The following NRXN1 variants were observed in gnomAD, a reference collection of about 807,000 sequenced individuals.
NRXN1 encodes neurexin-1.
In NRXN1, 39 loss-of-function variants were observed where a neutral mutation model predicts 150.9. The ratio of observed to expected loss-of-function variants is 0.26; its 90% CI spans 0.20 to 0.34. The LOEUF is 0.34. Ranked by LOEUF, NRXN1 falls within the 10% of genes least tolerant of loss-of-function variation. NRXN1 has a pLI of 1.00. For synonymous variants in NRXN1, 924 were observed against 757.0 expected, an observed-to-expected ratio of 1.22 and a Z score of -3.62; for missense variants, 1,815 against 1,949.9, an observed-to-expected ratio of 0.93 and a Z score of 1.30.
rs1051436849 is a variant in NRXN1, at chr2:50,427,321, T to C, written c.3364+38121A>G. ...ATTGTCAACATGTATAATTATACAG[T>C]AGTTTAACTGGTGAGGGGAAGGTAT... On this transcript the variant is annotated intron_variant, in intron 17 of 22. Transcript: ENST00000401669. 6.0e-5 allele frequency among the ~76,000 whole-genome samples: 9 copies of C among 148,984 alleles called. 1 individual carries two copies. The highest frequency in any genetic ancestry group is 2.3e-4 in the African/African-American group (9 of 39,782).
intron 19 of NRXN1, among the ~76,000 whole-genome samples, chr2:50,060,312 C>T (rs190499898): frequency 2.4e-4 from 36 of 152,162 alleles, no homozygotes; most frequent in African/African-American, 3.6e-4. Flanking sequence ...GCCTGTAGAC[C>T]CTTCGTTTTG....
chr2:50,860,271 T>C (rs866451216), intron 5 of NRXN1, among the ~76,000 whole-genome samples: 9 of 151,520 alleles, frequency 5.9e-5, no homozygotes, highest in African/African-American at 1.7e-4. Flanking sequence ...AAAAAAAAAA[T>C]TGTGAGGTAT....
At chr2:50,882,628 C>T (rs940302430) in intron 5 of NRXN1, among the ~76,000 whole-genome samples, 3 of 151,804 alleles carry the variant, frequency 2.0e-5, no homozygotes, top group African/African-American at 7.3e-5. Flanking sequence ...AAGACGAACC[C>T]ACAGGTGCCC....
intron 18 of NRXN1, among the ~76,000 whole-genome samples, chr2:50,219,627 C>T (rs1218742621): frequency 6.6e-6 from 1 of 151,418 alleles, no homozygotes; most frequent in East Asian, 2.0e-4. Flanking sequence ...TGGCTCACTC[C>T]TGTAGCTGCA....
intron 5 of NRXN1, among the ~76,000 whole-genome samples, chr2:50,775,236 T>C (rs917503462): frequency 4.6e-5 from 7 of 152,144 alleles, no homozygotes; most frequent in Admixed American, 2.6e-4. Flanking sequence ...CCCAGTTGAA[T>C]ATGATTCTCT....
intron 5 of NRXN1, among the ~76,000 whole-genome samples, chr2:50,856,933 C>T (rs544732107): frequency 1.3e-5 from 2 of 152,184 alleles, no homozygotes; most frequent in South Asian, 4.1e-4. Flanking sequence ...CCTATTCTCA[C>T]AGTAATTGTC....
At chr2:50,117,216 T>C (rs1703187752) in intron 18 of NRXN1, among the ~76,000 whole-genome samples, 1 of 152,112 alleles carries the variant, frequency 6.6e-6, no homozygotes, top group Non-Finnish European at 1.5e-5. Flanking sequence ...ATGTTGAAAA[T>C]TGAGGGCCAT....
chr2:50,449,466 C>A (rs1299498711), intron 17 of NRXN1, among the ~76,000 whole-genome samples: 1 of 152,162 alleles, frequency 6.6e-6, no homozygotes. Flanking sequence ...TAGAGCAGTG[C>A]TTCTTACACT....
intron 17 of NRXN1, among the ~76,000 whole-genome samples, chr2:50,252,607 G>A (rs905013416): frequency 6.6e-6 from 1 of 152,082 alleles, no homozygotes. Context: ...TAAGGTGTAA[G>A]TACGGGGTCC....
At chr2:50,015,492 A>G (rs780821386) in intron 21 of NRXN1, among the ~76,000 whole-genome samples, 37 of 143,224 alleles carry the variant, frequency 2.6e-4, no homozygotes, top group South Asian at 1.2e-3. Flanking sequence ...GTCTTTGGCT[A>G]GAAAAATAAA....
At chr2:49,939,396 A>G (rs947468228) in intron 22 of NRXN1, among the ~76,000 whole-genome samples, 4 of 152,232 alleles carry the variant, frequency 2.6e-5, no homozygotes, top group African/African-American at 9.6e-5. Flanking sequence ...CCTGTTCACT[A>G]AGAGCTGGGG....
At chr2:51,003,260 A>G (rs1201228605) in intron 2 of NRXN1, among the ~76,000 whole-genome samples, 1 of 151,990 alleles carries the variant, frequency 6.6e-6, no homozygotes, top group African/African-American at 2.4e-5. Flanking sequence ...AGGGGCACCA[A>G]TAAAGTAATG....
intron 21 of NRXN1, among the ~76,000 whole-genome samples, chr2:50,017,983 T>A (rs1686931200): frequency 6.6e-6 from 1 of 152,130 alleles, no homozygotes; most frequent in African/African-American, 2.4e-5. Context: ...GCTACGGTAT[T>A]TTTAAAAAGG....
At chr2:50,884,965 T>C (rs1002494902) in intron 5 of NRXN1, among the ~76,000 whole-genome samples, 1 of 151,578 alleles carries the variant, frequency 6.6e-6, no homozygotes, top group Admixed American at 6.6e-5. Context: ...AAATAACTTG[T>C]GGAAGAAAAA....
chr2:50,290,861 G>A (rs2072833554), intron 17 of NRXN1, among the ~76,000 whole-genome samples: 1 of 152,156 alleles, frequency 6.6e-6, no homozygotes, highest in South Asian at 2.1e-4. Flanking sequence ...GCTGCATGTG[G>A]CTGACAGTCT....
At chr2:49,940,144 ATACT>A (rs1437385378) in intron 22 of NRXN1, among the ~76,000 whole-genome samples, 1 of 152,140 alleles carries the variant, frequency 6.6e-6, no homozygotes, top group Non-Finnish European at 1.5e-5. Context: ...TCATGAGTAA[ATACT>A]TAGGGAGAGT....
intron 18 of NRXN1, among the ~76,000 whole-genome samples, chr2:50,205,337 G>A (rs2062489296): frequency 6.6e-6 from 1 of 152,046 alleles, no homozygotes; most frequent in Non-Finnish European, 1.5e-5. Flanking sequence ...TAAAGTGGAT[G>A]ATTACTGAAA....
chr2:50,072,561 A>G (rs1696449296), intron 19 of NRXN1, among the ~76,000 whole-genome samples: 1 of 150,794 alleles, frequency 6.6e-6, no homozygotes, highest in Admixed American at 6.6e-5. Flanking sequence ...TGATTTTGAG[A>G]GATTATAATT....
intron 17 of NRXN1, among the ~76,000 whole-genome samples, chr2:50,458,271 A>T (rs568858992): frequency 4.6e-5 from 7 of 152,240 alleles, no homozygotes; most frequent in African/African-American, 1.7e-4. Flanking sequence ...ATAGGTGGTA[A>T]CCAGAGGCCA....
Sources: allele counts gnomAD v4.1 joint callset (sites outside exome capture counted in the v4.1 genomes callset), GRCh38; gene constraint gnomAD v4.1.1; transcripts MANE v1.5; gene names NCBI Gene and HGNC (gene_info 2026-07-23, HGNC 2026-07-21).